EPB41L2: variants seen among roughly 807,000 people sequenced by gnomAD.
EPB41L2 encodes the protein band 4.1-like protein 2.
A neutral mutation model predicts 113.0 loss-of-function variants in EPB41L2; 43 were observed. That is an observed-to-expected ratio of 0.38 (90% CI 0.30 to 0.49). The LOEUF (loss-of-function observed/expected upper bound fraction) is 0.49, where lower values mean the gene tolerates loss of function less well. Among genes scored for constraint, EPB41L2 ranks in the 20% least tolerant of loss-of-function variants. The probability of loss-of-function intolerance (pLI) is 0.95; values close to 1 mark genes in which losing one functional copy is unlikely to be tolerated. For missense variants in EPB41L2, 1,147 were observed against 1,223.4 expected (o/e 0.94, Z 0.93); for synonymous variants, 442 against 436.7 (o/e 1.01, Z -0.15).
intron 5 of EPB41L2, among the ~76,000 whole-genome samples, chr6:130,906,388 A>T (rs1018840167): frequency 1.3e-5 from 2 of 152,188 alleles, no homozygotes; most frequent in African/African-American, 4.8e-5. Flanking sequence ...ATACGTATAC[A>T]TTGTGGAATG....
intron 19 of EPB41L2, among the ~76,000 whole-genome samples, chr6:130,857,416 C>A (rs1042022565): frequency 1.1e-4 from 16 of 152,152 alleles, no homozygotes; most frequent in African/African-American, 1.4e-4. Context: ...CTATTCCTTT[C>A]TCTGCCAAGC....
chr6:130,984,752 C>CAAA (rs1780150490), intron 1 of EPB41L2, among the ~76,000 whole-genome samples: 1 of 152,184 alleles, frequency 6.6e-6, no homozygotes. Flanking sequence ...CCACTGTCTC[C>CAAA]TTAAGAAAAT....
At chr6:130,866,942 G>A (rs1462831145) in intron 16 of EPB41L2, among the ~76,000 whole-genome samples, 1 of 152,018 alleles carries the variant, frequency 6.6e-6, no homozygotes, top group African/African-American at 2.4e-5. Context: ...TCCACACGAA[G>A]GAGAAGCACA....
chr6:130,958,893 A>G (rs1420606222), intron 1 of EPB41L2, among the ~76,000 whole-genome samples: 1 of 152,234 alleles, frequency 6.6e-6, no homozygotes, highest in African/African-American at 2.4e-5. Context: ...ATGTAATAAG[A>G]TTCTCATTTC....
chr6:131,017,212 CAA>C (rs1345709427), intron 1 of EPB41L2, among the ~76,000 whole-genome samples: 1 of 152,138 alleles, frequency 6.6e-6, no homozygotes, highest in Non-Finnish European at 1.5e-5. Flanking sequence ...ACATGTTTTG[CAA>C]AGTGTTTTAC....
At chr6:131,022,044 C>T (rs552646244) in intron 1 of EPB41L2, among the ~76,000 whole-genome samples, 1 of 152,264 alleles carries the variant, frequency 6.6e-6, no homozygotes, top group East Asian at 1.9e-4. Context: ...AATAATTACA[C>T]AACTCACCAT....
At chr6:130,912,385 T>C (rs934693087) in intron 4 of EPB41L2, among the ~76,000 whole-genome samples, 3 of 152,182 alleles carry the variant, frequency 2.0e-5, no homozygotes, top group African/African-American at 4.8e-5. Flanking sequence ...TATTAAAAAG[T>C]AAAACAGTAA....
chr6:130,927,318 A>T (rs1194769303), intron 3 of EPB41L2, among the ~76,000 whole-genome samples: 1 of 152,196 alleles, frequency 6.6e-6, no homozygotes, highest in Non-Finnish European at 1.5e-5. Flanking sequence ...TAAGGACTTA[A>T]CATATTTTTA....
At chr6:131,057,248 T>C (rs1797776897) in intron 1 of EPB41L2, among the ~76,000 whole-genome samples, 1 of 152,126 alleles carries the variant, frequency 6.6e-6, no homozygotes, top group Non-Finnish European at 1.5e-5. Context: ...CACACAGAGA[T>C]GCTGCACACA....
intron 1 of EPB41L2, among the ~76,000 whole-genome samples, chr6:131,036,809 T>C (rs1793413253): frequency 6.6e-6 from 1 of 152,146 alleles, no homozygotes; most frequent in Non-Finnish European, 1.5e-5. Context: ...AGTTATGGGT[T>C]AACTAATAGG....
chr6:130,919,093 T>C (rs1435928234), intron 4 of EPB41L2, among the ~76,000 whole-genome samples: 1 of 152,202 alleles, frequency 6.6e-6, no homozygotes, highest in Non-Finnish European at 1.5e-5. Context: ...ATATTGCTAA[T>C]TGTATTTAAA....
intron 1 of EPB41L2, among the ~76,000 whole-genome samples, chr6:131,031,413 T>C (rs753602207): frequency 6.6e-6 from 1 of 152,106 alleles, no homozygotes; most frequent in African/African-American, 2.4e-5. Context: ...TCATATATAG[T>C]TAGTAAATTC....
At chr6:131,038,888 T>C (rs1793877919) in intron 1 of EPB41L2, among the ~76,000 whole-genome samples, 1 of 152,212 alleles carries the variant, frequency 6.6e-6, no homozygotes, top group Admixed American at 6.5e-5. Flanking sequence ...ACATTTATTC[T>C]GGGGAAAAAA....
intron 19 of EPB41L2, among the ~76,000 whole-genome samples, chr6:130,853,805 T>C (rs1381449389): frequency 6.6e-6 from 1 of 152,208 alleles, no homozygotes; most frequent in Non-Finnish European, 1.5e-5. Flanking sequence ...AGCAGATACA[T>C]TGCAGACAGT....
intron 10 of EPB41L2, among the ~76,000 whole-genome samples, chr6:130,891,830 T>C (rs577607794): frequency 6.6e-6 from 1 of 152,196 alleles, no homozygotes; most frequent in South Asian, 2.1e-4. Flanking sequence ...GTTTACAGAT[T>C]AATGGCTTCA....
In EPB41L2 at chr6:130,924,601, C is replaced by T. The variant is rs543815828; in HGVS notation, c.810+2004G>A. On this transcript the variant is annotated intron_variant, in intron 4 of 19. Coordinates refer to ENST00000337057, the MANE Select transcript of EPB41L2 (RefSeq NM_001431.4). Reference sequence around the variant, plus strand: ...TTCACCATGTTGGCCAGGCTGATCTCGAGCTCCTGACCTCATGATCTGCCC... The same window carrying T: ...TTCACCATGTTGGCCAGGCTGATCTTGAGCTCCTGACCTCATGATCTGCCC... 7.9e-5 allele frequency among the ~76,000 whole-genome samples: 12 copies of T among 152,078 alleles called. No individual in the cohort carries two copies. The East Asian group carries it at 1.7e-3, about 22-fold the overall frequency.
intron 1 of EPB41L2, among the ~76,000 whole-genome samples, chr6:130,996,700 G>A (rs1420237474): frequency 6.6e-6 from 1 of 152,176 alleles, no homozygotes; most frequent in Admixed American, 6.5e-5. Context: ...GGGAAAACAA[G>A]TGAATTTAAA....
chr6:130,977,961 GTTTAAC>G (rs1032709875), intron 1 of EPB41L2, among the ~76,000 whole-genome samples: 4 of 152,116 alleles, frequency 2.6e-5, no homozygotes, highest in African/African-American at 9.7e-5. Flanking sequence ...TATCATTATG[GTTTAAC>G]TTTATTTTTA....
At chr6:130,962,073 T>C (rs2128634774) in intron 1 of EPB41L2, among the ~76,000 whole-genome samples, 1 of 152,290 alleles carries the variant, frequency 6.6e-6, no homozygotes, top group African/African-American at 2.4e-5. Flanking sequence ...TGCTTGTATG[T>C]TCACCTCCCC....
Sources: gnomAD v4.1 joint callset for allele counts (sites outside exome capture counted in the v4.1 genomes callset) on GRCh38, gnomAD v4.1.1 for gene constraint, MANE v1.5 for transcripts, NCBI Gene and HGNC (gene_info 2026-07-23, HGNC 2026-07-21) for gene names.